Variants in ARAP2 observed in about 807,000 individuals in gnomAD.
ARAP2 encodes arf-GAP with Rho-GAP domain, ANK repeat and PH domain-containing protein 2.
ARAP2 carries 148 observed loss-of-function variants against 194.5 expected under a neutral mutation model. The ratio of observed to expected loss-of-function variants is 0.76; its 90% CI spans 0.67 to 0.87. ARAP2 has a LOEUF of 0.87. ARAP2 is among the 40% of genes least tolerant of loss of function. The pLI is 0.00. For synonymous variants in ARAP2, 695 were observed against 683.5 expected (o/e 1.02, Z -0.26); for missense variants, 2,128 against 1,989.7 (o/e 1.07, Z -1.32).
In ARAP2 at chr4:36,168,824, T is replaced by C. The variant is rs143587871; in HGVS notation, c.1858-1777A>G. Reference sequence around the variant, plus strand: ...AATAATTAGAATGGGAGTGCCATACTTCCACTTTGTATAGTAAGCCCACTT... The same window carrying C: ...AATAATTAGAATGGGAGTGCCATACCTCCACTTTGTATAGTAAGCCCACTT... On this transcript the variant is annotated intron_variant, in intron 9 of 32. Transcript: ENST00000303965. 5.0e-4 allele frequency among the ~76,000 whole-genome samples: 76 copies of C among 152,326 alleles called. No individual in the cohort carries two copies. The East Asian group carries it at 0.014, about 29-fold the overall frequency.
intron 6 of ARAP2, among the ~76,000 whole-genome samples, chr4:36,196,420 C>T (rs1225090792): frequency 6.6e-6 from 1 of 152,230 alleles, no homozygotes; most frequent in Non-Finnish European, 1.5e-5. Context: ...GCAAAGGACA[C>T]ACCCTACCAC....
Position 36,023,620 on chromosome 4 carries a change from CAT to C in ARAP2, n.608-4336_608-4335del, listed in dbSNP as rs550238936. ...GCCTGATTTGCATCTTACTGTACCA[CAT>C]GTTAGTGTTTTTCCAAATTGCCATT... On this transcript the variant is annotated intron_variant and non_coding_transcript_variant, in intron 5 of 12. Transcript: ENST00000503225. 2.4e-3 allele frequency among the ~76,000 whole-genome samples: 368 copies of C among 152,164 alleles called. 2 individuals are homozygous for C. Among genetic ancestry groups the C allele is most frequent in the African/African-American group, 7.2e-3 (298 of 41,532 alleles).
intron 27 of ARAP2, among the ~76,000 whole-genome samples, chr4:36,107,191 T>C (rs1718635198): frequency 6.6e-6 from 1 of 152,102 alleles, no homozygotes; most frequent in South Asian, 2.1e-4. Context: ...TCAGAGCCTA[T>C]ATAATTAGCA....
At chr4:36,201,793 G>GT (rs936786885) in intron 6 of ARAP2, among the ~76,000 whole-genome samples, 61 of 148,300 alleles carry the variant, frequency 4.1e-4, no homozygotes, top group South Asian at 2.8e-3. Flanking sequence ...TGCCAGCAGA[G>GT]TTTTTTTTTT....
chr4:36,084,415 C>T (rs1348918241), intron 28 of ARAP2, among the ~76,000 whole-genome samples: 1 of 151,924 alleles, frequency 6.6e-6, no homozygotes, highest in Non-Finnish European at 1.5e-5. Context: ...CTATATATAT[C>T]TTCGTGTTGT....
chr4:36,161,446 C>G lies in ARAP2; in HGVS notation c.2259+19G>C, dbSNP rs371952554. ...ACTGAACCCCTATCACAACCCCATTCAGGTTAAATAGGACTCACCTCGATG... is the reference window on the plus strand; with the variant it reads ...ACTGAACCCCTATCACAACCCCATTGAGGTTAAATAGGACTCACCTCGATG... On this transcript the variant is annotated intron_variant, in intron 12 of 32. Coordinates refer to ENST00000303965, the MANE Select transcript of ARAP2 (RefSeq NM_015230.4). 8.8e-5 allele frequency: 141 copies of G among 1,598,954 alleles called. No homozygotes were observed. The highest frequency in any genetic ancestry group is 8.7e-5 in the Non-Finnish European group (102 of 1,166,500).
At chr4:36,108,724 G>T (rs16991935) in intron 26 of ARAP2, among the ~76,000 whole-genome samples, 4,756 of 152,042 alleles carry the variant, frequency 0.031, 250 homozygotes, top group African/African-American at 0.11. Flanking sequence ...TCACAGAAAA[G>T]TTTTTGATGA....
At chr4:36,242,593 G>A (rs67908049) in intron 1 of ARAP2, among the ~76,000 whole-genome samples, 8,505 of 152,172 alleles carry the variant, frequency 0.056, 409 homozygotes, top group Admixed American at 0.12. Context: ...TATAATCTGA[G>A]TTCTATACTT....
intron 25 of ARAP2, among the ~76,000 whole-genome samples, chr4:36,115,564 C>T (rs1560461897): frequency 6.6e-6 from 1 of 151,990 alleles, no homozygotes; most frequent in Admixed American, 6.6e-5. Context: ...TAACACCTAA[C>T]ACTCCACACT....
At chr4:36,242,829 CACTT>C (rs1297601387) in intron 1 of ARAP2, among the ~76,000 whole-genome samples, 4 of 152,192 alleles carry the variant, frequency 2.6e-5, no homozygotes, top group African/African-American at 4.8e-5. Context: ...CAAGCTCTCT[CACTT>C]ACCCTCTAGG....
intron 22 of ARAP2, among the ~76,000 whole-genome samples, chr4:36,122,879 C>G (rs576559639): frequency 2.0e-5 from 3 of 151,662 alleles, no homozygotes; most frequent in South Asian, 2.1e-4. Flanking sequence ...AATATAGTAA[C>G]TCCATCAAAT....
At chr4:36,237,731 A>G (rs556437578) in intron 1 of ARAP2, among the ~76,000 whole-genome samples, 1 of 152,330 alleles carries the variant, frequency 6.6e-6, no homozygotes, top group Admixed American at 6.5e-5. Context: ...TTTATAAATT[A>G]CCCAGTTTCA....
intron 11 of ARAP2, 61 bp downstream of exon 11, chr4:36,164,853 G>A: frequency 6.7e-7 from 1 of 1,502,886 alleles, no homozygotes; most frequent in Non-Finnish European, 9.2e-7. Context: ...ATGCAACAAT[G>A]AAGAGCATTC....
chr4:36,230,597 A>G (rs1434850680), intron 1 of ARAP2, among the ~76,000 whole-genome samples: 1 of 152,192 alleles, frequency 6.6e-6, no homozygotes, highest in Non-Finnish European at 1.5e-5. Context: ...TTAAAAGTCC[A>G]TTTTTCCAGA....
intron 6 of ARAP2, among the ~76,000 whole-genome samples, chr4:36,018,973 A>G (rs1716401498): frequency 6.7e-6 from 1 of 150,144 alleles, no homozygotes. Context: ...GGCAGAGGAG[A>G]GCAGCTTGGA....
chr4:36,037,122 C>T (rs1053368155), intron 5 of ARAP2, among the ~76,000 whole-genome samples: 1 of 152,108 alleles, frequency 6.6e-6, no homozygotes, highest in South Asian at 2.1e-4. Context: ...GACCTCCATA[C>T]ACTCTTCACA....
At position 36,203,227 on chromosome 4, in the gene ARAP2, C is replaced by A. The variant is rs142614539; in HGVS notation, c.1487+7163G>T. On this transcript the variant is annotated intron_variant, in intron 6 of 32. Transcript: ENST00000303965. ...CATGGCTATATTAAAGCAGAGGAAT[C>A]AAATAAAAGTCTACATCATAACTAT... Among the ~76,000 whole-genome samples the A allele has an allele frequency of 3.2e-4, 49 of 152,198 alleles. No homozygotes were observed. The East Asian group carries it at 9.1e-3, about 28-fold the overall frequency.
At chr4:36,117,597 C>T (rs866255857) in intron 24 of ARAP2, among the ~76,000 whole-genome samples, 66 of 151,590 alleles carry the variant, frequency 4.4e-4, no homozygotes, top group Middle Eastern at 6.8e-3. Context: ...TTATGGCTTG[C>T]TACGTTTTTA....
At chr4:36,207,765 G>A (rs1745878014) in intron 6 of ARAP2, among the ~76,000 whole-genome samples, 1 of 151,858 alleles carries the variant, frequency 6.6e-6, no homozygotes, top group African/African-American at 2.4e-5. Flanking sequence ...ATGTCTTTAA[G>A]GGGGAAACAA....
Sources: allele counts gnomAD v4.1 joint callset (sites outside exome capture counted in the v4.1 genomes callset), GRCh38; gene constraint gnomAD v4.1.1; transcripts MANE v1.5; gene names NCBI Gene and HGNC (gene_info 2026-07-23, HGNC 2026-07-21).